Variants in DIP2C observed in about 807,000 individuals in gnomAD.
DIP2C encodes DIP2 acetate--CoA ligase C (putative), also known as disco-interacting protein 2 homolog C.
A neutral mutation model predicts 192.4 loss-of-function variants in DIP2C; 33 were observed. The observed-to-expected ratio is 0.17, with a 90% confidence interval of 0.13 to 0.23. DIP2C has a LOEUF of 0.23. DIP2C is among the 10% of genes least tolerant of loss of function. The pLI, the probability that DIP2C is intolerant of heterozygous loss-of-function variation, is 1.00. For synonymous variants in DIP2C, 979 were observed against 864.1 expected (o/e 1.13, Z -2.33); for missense variants, 1,537 against 2,110.1 (o/e 0.73, Z 5.32).
intron 1 of DIP2C, among the ~76,000 whole-genome samples, chr10:543,777 C>A (rs1448500342): frequency 6.6e-6 from 1 of 152,188 alleles, no homozygotes; most frequent in Non-Finnish European, 1.5e-5. Flanking sequence ...CCATAAAATC[C>A]CCCATATTAA....
intron 1 of DIP2C, among the ~76,000 whole-genome samples, chr10:542,050 C>T (rs962120909): frequency 8.9e-4 from 135 of 152,260 alleles, no homozygotes; most frequent in African/African-American, 2.9e-3. Flanking sequence ...CTGCGGGAGC[C>T]GGCACCCACC....
At chr10:399,871 T>C (rs1964281272) in intron 9 of DIP2C, among the ~76,000 whole-genome samples, 1 of 152,290 alleles carries the variant, frequency 6.6e-6, no homozygotes, top group South Asian at 2.1e-4. Flanking sequence ...CGTGCATGTG[T>C]TGTGGGCCCT....
intron 1 of DIP2C, among the ~76,000 whole-genome samples, chr10:593,279 G>C (rs531009488): frequency 6.6e-6 from 1 of 152,176 alleles, no homozygotes; most frequent in South Asian, 2.1e-4. Context: ...TCCTAAATCT[G>C]ACTTCAGAGC....
intron 32 of DIP2C, among the ~76,000 whole-genome samples, chr10:295,430 G>A (rs112462253): frequency 7.3e-4 from 111 of 151,354 alleles, no homozygotes; most frequent in African/African-American, 2.3e-3. Context: ...GTGCGGTGGC[G>A]GGCGCCTGTA....
chr10:532,552 TATGGGTGAGAGAGA>T (rs1327552268), intron 1 of DIP2C, among the ~76,000 whole-genome samples: 2 of 120,128 alleles, frequency 1.7e-5, no homozygotes, highest in Non-Finnish European at 3.7e-5. Context: ...TGTGAGAGAG[TATGGGTGAGAGAGA>T]GAGTATGGGT....
chr10:337,955 CGT>C (rs554936668), intron 29 of DIP2C, among the ~76,000 whole-genome samples: 43 of 122,522 alleles, frequency 3.5e-4, no homozygotes, highest in African/African-American at 1.3e-3. Flanking sequence ...CCTAGACAGT[CGT>C]GTGTGTGTGT....
At chr10:500,402 C>A (rs1252326832) in intron 1 of DIP2C, among the ~76,000 whole-genome samples, 2 of 152,242 alleles carry the variant, frequency 1.3e-5, no homozygotes, top group African/African-American at 4.8e-5. Flanking sequence ...AGTGACTGCT[C>A]CTTAGTAATT....
chr10:556,359 C>A (rs1235137644), intron 1 of DIP2C, among the ~76,000 whole-genome samples: 2 of 93,574 alleles, frequency 2.1e-5, no homozygotes, highest in Non-Finnish European at 4.2e-5. Context: ...ACCCCTCCCA[C>A]AGCCGGATCC....
chr10:603,335 C>CAAAAAAAAAA (rs1209146510), intron 1 of DIP2C, among the ~76,000 whole-genome samples: 1 of 80,402 alleles, frequency 1.2e-5, no homozygotes, highest in African/African-American at 7.6e-5. Flanking sequence ...AAAAAAAAAC[C>CAAAAAAAAAA]AACCATGAGA....
intron 1 of DIP2C, among the ~76,000 whole-genome samples, chr10:597,400 C>T (rs1234035043): frequency 6.6e-6 from 1 of 152,194 alleles, no homozygotes; most frequent in Non-Finnish European, 1.5e-5. Context: ...GACTAAGCTG[C>T]CCCTAGAAGT....
chr10:309,429 G>A (rs768735318), intron 32 of DIP2C, among the ~76,000 whole-genome samples: 2 of 152,088 alleles, frequency 1.3e-5, no homozygotes, highest in Admixed American at 1.3e-4. Flanking sequence ...ATTCTACGAC[G>A]GGGGCAAAAT....
chr10:601,709 T>G (rs2131701728), intron 1 of DIP2C, among the ~76,000 whole-genome samples: 1 of 152,332 alleles, frequency 6.6e-6, no homozygotes, highest in East Asian at 1.9e-4. Context: ...CTGCCCTGAC[T>G]GCAGGCCTGC....
chr10:661,233 G>C (rs1005590231), intron 1 of DIP2C, among the ~76,000 whole-genome samples: 7 of 152,316 alleles, frequency 4.6e-5, no homozygotes, highest in African/African-American at 1.7e-4. Flanking sequence ...ACCAGTCCCT[G>C]AACAGAGAGA....
chr10:390,977 A>G, intron 10 of DIP2C, 114 bp from the exon 11 acceptor site: 8 of 1,452,356 alleles, frequency 5.5e-6, no homozygotes, highest in Non-Finnish European at 7.4e-6. Context: ...CCAGGATCCA[A>G]CCCCCAGCCC....
chr10:297,919 A>T (rs1049165196), intron 32 of DIP2C, among the ~76,000 whole-genome samples: 1 of 152,184 alleles, frequency 6.6e-6, no homozygotes, highest in Non-Finnish European at 1.5e-5. Context: ...ATTATGTGTT[A>T]ATTTTATAAA....
At chr10:326,827 C>T (rs1011320848) in intron 31 of DIP2C, among the ~76,000 whole-genome samples, 179 bp downstream of exon 31, 7 of 152,124 alleles carry the variant, frequency 4.6e-5, no homozygotes, top group Non-Finnish European at 7.4e-5. Context: ...ATAATGGATA[C>T]GAACGTAGAC....
chr10:286,260 A>G lies in DIP2C; in HGVS notation c.4119+13T>C. The G allele has an allele frequency of 1.2e-6, 2 of 1,613,760 alleles. No individual in the cohort carries two copies. Among genetic ancestry groups the G allele is most frequent in the South Asian group, 2.2e-5 (2 of 91,036 alleles). On this transcript the variant is annotated intron_variant, in intron 34 of 36. Transcript: ENST00000280886. Reference sequence around the variant, plus strand: ...AGAAAAGTAACCTGGATCTCGGAGGACACTCAACTCACCTCTCCAAGGTGT... The same window carrying G: ...AGAAAAGTAACCTGGATCTCGGAGGGCACTCAACTCACCTCTCCAAGGTGT...
intron 8 of DIP2C, among the ~76,000 whole-genome samples, chr10:410,341 A>AT (rs1965105164): frequency 6.6e-6 from 1 of 152,208 alleles, no homozygotes; most frequent in African/African-American, 2.4e-5. Flanking sequence ...ATTCTAGCAT[A>AT]TTCTTGAGCA....
intron 17 of DIP2C, among the ~76,000 whole-genome samples, chr10:372,312 T>G (rs1961064419): frequency 6.6e-6 from 1 of 152,180 alleles, no homozygotes; most frequent in Non-Finnish European, 1.5e-5. Context: ...TGACCTCGAG[T>G]GATCTGCCCT....
Sources: gnomAD v4.1 joint callset for allele counts (sites outside exome capture counted in the v4.1 genomes callset) on GRCh38, gnomAD v4.1.1 for gene constraint, MANE v1.5 for transcripts, NCBI Gene and HGNC (gene_info 2026-07-23, HGNC 2026-07-21) for gene names.